Variants in WBP4 observed in about 807,000 individuals in gnomAD.
The protein encoded by WBP4 is WW domain-binding protein 4.
In WBP4, 37 loss-of-function variants were observed where a neutral mutation model predicts 55.4. The ratio of observed to expected loss-of-function variants is 0.67; its 90% CI spans 0.51 to 0.88. The LOEUF (loss-of-function observed/expected upper bound fraction) is 0.88. WBP4 is among the 40% of genes least tolerant of loss of function. The probability of loss-of-function intolerance (pLI) is 0.00; values close to 1 mark genes in which losing one functional copy is unlikely to be tolerated. For missense variants in WBP4, 398 were observed against 420.8 expected, an observed-to-expected ratio of 0.95 and a Z score of 0.47; for synonymous variants, 142 against 140.2, an observed-to-expected ratio of 1.01 and a Z score of -0.09.
At chr13:41,065,311 GCAGC>G (rs1566208424) in intron 4 of WBP4, 24 bp downstream of exon 4, 2 of 1,061,774 alleles carry the variant, frequency 1.9e-6, no homozygotes, top group Admixed American at 5.5e-5. Flanking sequence ...AAAAAAAAAA[GCAGC>G]CAGCATGTTT....
intron 1 of WBP4, 107 bp from the exon 2 acceptor site, chr13:41,062,537 T>G: frequency 1.0e-6 from 1 of 978,668 alleles, no homozygotes; most frequent in Non-Finnish European, 1.5e-6. Flanking sequence ...CAAGACAAGA[T>G]TCAGTAGCAG....
chr13:41,080,572 T>C (rs1878724286), intron 8 of WBP4, 74 bp from the exon 9 acceptor site: 1 of 1,171,270 alleles, frequency 8.5e-7, no homozygotes, highest in Non-Finnish European at 1.2e-6. Context: ...ACAATACCTT[T>C]AAAAGCCTTA....
At chr13:41,075,943 A>G in intron 7 of WBP4, 101 bp from the exon 8 acceptor site, 1 of 1,200,908 alleles carries the variant, frequency 8.3e-7, no homozygotes, top group Non-Finnish European at 1.2e-6. Context: ...AAATACATAC[A>G]GTATTGTCAT....
At position 41,062,604 on chromosome 13, in the gene WBP4, A is replaced by G. The variant is rs146408150; in HGVS notation, c.3-40A>G. Reference sequence around the variant, plus strand: ...AGCATGCAGAATTTAACCTTTTTTAAGTTTTACATGAGCTTAGCCTTGTTG... The same window carrying G: ...AGCATGCAGAATTTAACCTTTTTTAGGTTTTACATGAGCTTAGCCTTGTTG... On this transcript the variant is annotated intron_variant, in intron 1 of 9. Coordinates refer to ENST00000379487, the MANE Select transcript of WBP4 (RefSeq NM_007187.5). 103 of 1,578,386 alleles carry G rather than the reference A, an allele frequency of 6.5e-5. No homozygotes were observed. The East Asian group carries it at 2.2e-3, about 33-fold the overall frequency.
At chr13:41,062,088 G>A (rs899791537) in intron 1 of WBP4, 4 of 965,048 alleles carry the variant, frequency 4.1e-6, no homozygotes, top group East Asian at 1.2e-4. Flanking sequence ...GCCCTGGATA[G>A]CGTAATGGTT....
In WBP4 at chr13:41,080,934, G is replaced by A. The variant is rs1450536682; in HGVS notation, c.920+125G>A. 5 of 1,042,748 alleles carry A rather than the reference G, an allele frequency of 4.8e-6. No homozygotes were observed. The South Asian group carries it at 5.8e-5, about 12-fold the overall frequency. The allele number at this position is 1,042,748 out of a possible 1,614,324, so 64.6% of individuals were successfully genotyped here. On this transcript the variant is annotated intron_variant, in intron 9 of 9. Coordinates refer to ENST00000379487, the MANE Select transcript of WBP4 (RefSeq NM_007187.5). ...TTAAAAGTATAGCTTGAGGCCAGAT[G>A]CACCCCTGTAATCCCAGCACTTTGG...
At chr13:41,064,906 CCATT>C in intron 2 of WBP4, 106 bp from the exon 3 acceptor site, 2 of 990,452 alleles carry the variant, frequency 2.0e-6, no homozygotes, top group Non-Finnish European at 2.9e-6. Context: ...ATCTTTTCTG[CCATT>C]CATTTTAATT....
intron 2 of WBP4, 36 bp from the exon 3 acceptor site, chr13:41,064,980 A>G (rs748614134): frequency 6.6e-7 from 1 of 1,508,156 alleles, no homozygotes; most frequent in South Asian, 1.3e-5. Context: ...ATGTTTATGT[A>G]GTTTTCTTTT....
At position 41,080,545 on chromosome 13, in the gene WBP4, T is replaced by C. The variant is rs578025555; in HGVS notation, c.757-101T>C. The C allele has an allele frequency of 6.3e-5, 55 of 871,304 alleles. No individual in the cohort carries two copies. In the South Asian group the frequency reaches 7.6e-4, roughly 12 times the overall value. 54.0% of individuals were successfully genotyped at this position (871,304 alleles called of 1,614,324 possible). On this transcript the variant is annotated intron_variant, in intron 8 of 9. Transcript: ENST00000379487. The stretch of plus-strand genomic sequence containing the variant: ...TGTGCAGATTTGAGTTAGTGAATTA[T>C]TGTTTATAAATCTATAACAATACCT...
intron 4 of WBP4, among the ~76,000 whole-genome samples, chr13:41,067,560 C>G (rs903505996): frequency 5.9e-5 from 9 of 152,166 alleles, no homozygotes; most frequent in African/African-American, 1.9e-4. Flanking sequence ...GTGGTGCGCA[C>G]CTGTAGTCCC....
At chr13:41,082,403 C>T (rs966200318) in intron 9 of WBP4, among the ~76,000 whole-genome samples, 5 of 152,170 alleles carry the variant, frequency 3.3e-5, no homozygotes, top group Admixed American at 6.6e-5. Flanking sequence ...ATTGAGCCAC[C>T]GCACCCAACC....
At chr13:41,062,096 GTTTTTT>G (rs60658317) in intron 1 of WBP4, 462 of 803,478 alleles carry the variant, frequency 5.7e-4, no homozygotes, top group Middle Eastern at 1.3e-3. Context: ...TAGCGTAATG[GTTTTTT>G]TTTTTTTTTT....
chr13:41,062,322 C>T, intron 1 of WBP4: 3 of 961,238 alleles, frequency 3.1e-6, no homozygotes, highest in Non-Finnish European at 3.7e-6. Flanking sequence ...AGCAACCTCC[C>T]CCAAAGCCAG....
At chr13:41,065,554 A>G (rs1669288592) in intron 4 of WBP4, among the ~76,000 whole-genome samples, 1 of 152,138 alleles carries the variant, frequency 6.6e-6, no homozygotes, top group South Asian at 2.1e-4. Flanking sequence ...TCCTAGGTAA[A>G]TGGTTCATTT....
In WBP4 at chr13:41,080,815, T is replaced by C; in HGVS notation, c.920+6T>C. On this transcript the variant is annotated splice_donor_region_variant and intron_variant, in intron 9 of 9. Coordinates refer to ENST00000379487, the MANE Select transcript of WBP4 (RefSeq NM_007187.5). The stretch of plus-strand genomic sequence containing the variant: ...AAACAAGAGGTTGAGTCTCAGTAAG[T>C]ACCTGGAGCTTTAATCCCACTGTTA... 6.2e-7 allele frequency: 1 copy of C among 1,600,324 alleles called. No homozygotes were observed. Among genetic ancestry groups the C allele is most frequent in the Non-Finnish European group, 8.5e-7 (1 of 1,176,822 alleles).
chr13:41,074,933 T>A (rs1158295822), intron 7 of WBP4, among the ~76,000 whole-genome samples: 1 of 152,172 alleles, frequency 6.6e-6, no homozygotes, highest in Non-Finnish European at 1.5e-5. Context: ...AGGTGGAGGT[T>A]ACAGTGAGCT....
At chr13:41,068,402 C>T (rs557731180) in intron 4 of WBP4, among the ~76,000 whole-genome samples, 159 bp from the exon 5 acceptor site, 38 of 152,196 alleles carry the variant, frequency 2.5e-4, no homozygotes, top group Admixed American at 1.4e-3. Flanking sequence ...TTTTCCTTCC[C>T]TTACATGTTT....
chr13:41,083,676 A>G lies in WBP4; in HGVS notation c.*762A>G, dbSNP rs1013215918. On this transcript the variant is annotated 3_prime_UTR_variant, in exon 10 of 10. Transcript: ENST00000379487. ...GTCATGCACTCTTTTTAGCAGTCTT[A>G]TATGTACTAGAAAAGATTTTTTAAA... The G allele has an allele frequency of 3.9e-5, 6 of 152,168 alleles. No individual in the cohort carries two copies. Among genetic ancestry groups the G allele is most frequent in the African/African-American group, 1.4e-4 (6 of 41,454 alleles). 9.4% of individuals were successfully genotyped at this position (152,168 alleles called of 1,614,324 possible). A position where few individuals can be genotyped will look rare whatever the true frequency, so the allele number is the denominator to read the frequency against.
In WBP4 at chr13:41,082,901, G is replaced by T. The variant is rs1434328323; in HGVS notation, c.1118G>T (p.Gly373Val). The T allele has an allele frequency of 6.2e-7, 1 of 1,613,982 alleles. No homozygotes were observed. The highest frequency in any genetic ancestry group is 1.1e-5 in the South Asian group (1 of 91,082). Residue 373 changes from glycine to valine, a missense_variant, in exon 10 of 10, where the codon GGT (glycine) becomes GTT (valine). Physicochemically the swap from Gly to Val is moderately radical, Grantham distance 109. Coordinates refer to ENST00000379487, the MANE Select transcript of WBP4 (RefSeq NM_007187.5). ...AAATCTAGAAATTTAAGGCAACGAG[G>T]TGATGATCAATAGTTGCAGGAGAGC... ...NGKSRNLRQR[G>V]DDQ
Sources: allele counts gnomAD v4.1 joint callset (sites outside exome capture counted in the v4.1 genomes callset), GRCh38; gene constraint gnomAD v4.1.1; transcripts MANE v1.5; gene names NCBI Gene and HGNC (gene_info 2026-07-23, HGNC 2026-07-21).